NXPH1: variants seen among roughly 807,000 people sequenced by gnomAD.
The protein encoded by NXPH1 is neurexophilin 1.
A neutral mutation model predicts 23.7 loss-of-function variants in NXPH1; 5 were observed. The observed-to-expected ratio is 0.21, with a 90% CI of 0.11 to 0.44. The LOEUF (loss-of-function observed/expected upper bound fraction) is 0.44, where lower values mean the gene tolerates loss of function less well. NXPH1 is among the 20% of genes least tolerant of loss of function. The pLI, the probability that NXPH1 is intolerant of heterozygous loss-of-function variation, is 0.99. For synonymous variants in NXPH1, 144 were observed against 122.2 expected (o/e 1.18, Z -1.18); for missense variants, 324 against 321.6 (o/e 1.01, Z -0.06).
intron 2 of NXPH1, among the ~76,000 whole-genome samples, chr7:8,471,697 G>T (rs559800657): frequency 5.3e-4 from 80 of 152,116 alleles, no homozygotes; most frequent in African/African-American, 1.9e-3. Flanking sequence ...TTTCTTCCCT[G>T]GAGACTAGAG....
intron 2 of NXPH1, among the ~76,000 whole-genome samples, chr7:8,529,809 A>C (rs1021514456): frequency 5.9e-5 from 9 of 152,334 alleles, no homozygotes; most frequent in Non-Finnish European, 5.9e-5. Flanking sequence ...GAATTAAAAA[A>C]AATGGTCCAG....
chr7:8,707,968 C>T (rs1779729168), intron 2 of NXPH1, among the ~76,000 whole-genome samples: 1 of 151,842 alleles, frequency 6.6e-6, no homozygotes, highest in Non-Finnish European at 1.5e-5. Context: ...ATGATCAATG[C>T]TTAAAACTTT....
At position 8,557,910 on chromosome 7, in the gene NXPH1, C is replaced by G. The variant is rs536278113; in HGVS notation, c.54+122143C>G. 1.9e-3 allele frequency among the ~76,000 whole-genome samples: 281 copies of G among 151,820 alleles called. 1 individual carries two copies. Among genetic ancestry groups the G allele is most frequent in the Middle Eastern group, 6.8e-3 (2 of 294 alleles). ...ATCCAGGCAATTGCTTCTTTACTTT[C>G]TGATCAGTTCCTCCCAGTTTATCCC... On this transcript the variant is annotated intron_variant, in intron 2 of 2. Transcript: ENST00000405863.
intron 2 of NXPH1, among the ~76,000 whole-genome samples, chr7:8,717,337 T>G (rs1283861344): frequency 6.6e-6 from 1 of 152,192 alleles, no homozygotes; most frequent in Non-Finnish European, 1.5e-5. Flanking sequence ...GGATTTATTA[T>G]GTATGTTTCC....
chr7:8,594,358 T>C lies in NXPH1; in HGVS notation c.55-156650T>C, dbSNP rs544145473. 3.0e-4 allele frequency among the ~76,000 whole-genome samples: 46 copies of C among 152,192 alleles called. No individual in the cohort carries two copies. In the South Asian group the frequency reaches 9.5e-3, roughly 32 times the overall value. On this transcript the variant is annotated intron_variant, in intron 2 of 2. Transcript: ENST00000405863. ...CAGACATGCAGAAGTATGTCATTGT[T>C]GACGATGGTAAACAGCTGGTAAAGA...
intron 2 of NXPH1, among the ~76,000 whole-genome samples, chr7:8,735,159 C>A (rs904707096): frequency 6.6e-6 from 1 of 152,144 alleles, no homozygotes; most frequent in Non-Finnish European, 1.5e-5. Context: ...ATTGCCCTGG[C>A]CAGAACTTCC....
chr7:8,594,988 AC>A (rs1348440843), intron 2 of NXPH1, among the ~76,000 whole-genome samples: 2 of 152,008 alleles, frequency 1.3e-5, no homozygotes, highest in Non-Finnish European at 2.9e-5. Context: ...AAGCTCTTGA[AC>A]CTGACAAAGC....
intron 2 of NXPH1, among the ~76,000 whole-genome samples, chr7:8,703,040 T>G (rs1460278501): frequency 6.6e-6 from 1 of 152,128 alleles, no homozygotes; most frequent in African/African-American, 2.4e-5. Context: ...TAGACATTGC[T>G]GGAGGAAGAG....
chr7:8,529,983 A>C (rs1053230635), intron 2 of NXPH1, among the ~76,000 whole-genome samples: 1 of 152,228 alleles, frequency 6.6e-6, no homozygotes, highest in East Asian at 1.9e-4. Flanking sequence ...ATTTTAGAGC[A>C]CTTTGAAGTA....
chr7:8,680,730 C>T (rs1412448296), intron 2 of NXPH1, among the ~76,000 whole-genome samples: 1 of 151,794 alleles, frequency 6.6e-6, no homozygotes, highest in African/African-American at 2.4e-5. Context: ...CCAAGGATCA[C>T]TGTAACAGTT....
chr7:8,558,138 T>C (rs1818389835), intron 2 of NXPH1, among the ~76,000 whole-genome samples: 1 of 151,816 alleles, frequency 6.6e-6, no homozygotes, highest in Admixed American at 6.6e-5. Flanking sequence ...AGAAACATTT[T>C]GATTTTAAAT....
intron 2 of NXPH1, among the ~76,000 whole-genome samples, chr7:8,612,853 T>C (rs371481700): frequency 6.6e-6 from 1 of 152,034 alleles, no homozygotes; most frequent in African/African-American, 2.4e-5. Context: ...GATAAAAATA[T>C]TGAAAAAATG....
chr7:8,622,347 A>C (rs1819893911), intron 2 of NXPH1, among the ~76,000 whole-genome samples: 1 of 152,210 alleles, frequency 6.6e-6, no homozygotes, highest in Admixed American at 6.5e-5. Context: ...TAGCTTATAC[A>C]AGGGCATATA....
intron 2 of NXPH1, among the ~76,000 whole-genome samples, chr7:8,495,824 G>T (rs1404461549): frequency 6.6e-6 from 1 of 151,978 alleles, no homozygotes; most frequent in Non-Finnish European, 1.5e-5. Flanking sequence ...GTGGGGAATG[G>T]GCCTATGGCA....
intron 2 of NXPH1, among the ~76,000 whole-genome samples, chr7:8,615,063 T>A (rs947941259): frequency 3.9e-5 from 6 of 152,076 alleles, no homozygotes; most frequent in Non-Finnish European, 7.4e-5. Flanking sequence ...TTCTTTTTAC[T>A]TGTTGTGCCT....
intron 2 of NXPH1, among the ~76,000 whole-genome samples, chr7:8,438,923 G>A (rs906798838): frequency 2.0e-5 from 3 of 152,142 alleles, no homozygotes; most frequent in East Asian, 1.9e-4. Flanking sequence ...TGCCCACAGA[G>A]TTACCTTCTG....
At chr7:8,708,917 A>G (rs1779744720) in intron 2 of NXPH1, among the ~76,000 whole-genome samples, 1 of 152,142 alleles carries the variant, frequency 6.6e-6, no homozygotes, top group Admixed American at 6.6e-5. Flanking sequence ...CTACCTGTAG[A>G]TGAACTGAGT....
At chr7:8,508,837 C>A (rs919054769) in intron 2 of NXPH1, among the ~76,000 whole-genome samples, 1 of 151,948 alleles carries the variant, frequency 6.6e-6, no homozygotes, top group Non-Finnish European at 1.5e-5. Flanking sequence ...AAGTTAGGGT[C>A]TTGTAAAAGG....
At chr7:8,663,156 A>G (rs1820706355) in intron 2 of NXPH1, among the ~76,000 whole-genome samples, 1 of 152,116 alleles carries the variant, frequency 6.6e-6, no homozygotes, top group South Asian at 2.1e-4. Flanking sequence ...GGAGTCATTT[A>G]GTATACATGG....
Sources: allele counts gnomAD v4.1 joint callset (sites outside exome capture counted in the v4.1 genomes callset), GRCh38; gene constraint gnomAD v4.1.1; transcripts MANE v1.5; gene names NCBI Gene and HGNC (gene_info 2026-07-23, HGNC 2026-07-21).